Variants in PPP4R4 observed in about 807,000 individuals in gnomAD.
PPP4R4 encodes protein phosphatase 4 regulatory subunit 4.
Under a neutral mutation model 121.8 loss-of-function variants are expected in PPP4R4, and 70 were observed. The ratio of observed to expected loss-of-function variants is 0.57; its 90% CI spans 0.47 to 0.70. The LOEUF (loss-of-function observed/expected upper bound fraction) is 0.70, where lower values mean the gene tolerates loss of function less well. PPP4R4 is among the 30% of genes least tolerant of loss of function. The pLI is 0.00. For synonymous variants in PPP4R4, 348 were observed against 355.7 expected (o/e 0.98, Z 0.24); for missense variants, 875 against 1,033.6 (o/e 0.85, Z 2.10).
chr14:94,204,182 T>C (rs138024848), intron 2 of PPP4R4, among the ~76,000 whole-genome samples: 40 of 152,320 alleles, frequency 2.6e-4, no homozygotes, highest in African/African-American at 8.9e-4. Context: ...TTGATCTTAG[T>C]GAAAAGGTTG....
At chr14:94,259,110 AC>A (rs1438127751) in intron 18 of PPP4R4, among the ~76,000 whole-genome samples, 184 bp from the exon 19 acceptor site, 1 of 151,900 alleles carries the variant, frequency 6.6e-6, no homozygotes, top group Admixed American at 6.6e-5. Context: ...GGAAAGACCC[AC>A]CCCCATAATT....
intron 3 of PPP4R4, among the ~76,000 whole-genome samples, chr14:94,212,720 G>C (rs1032873466): frequency 6.6e-6 from 1 of 151,896 alleles, no homozygotes; most frequent in African/African-American, 2.4e-5. Context: ...ATGTTTGTTA[G>C]ACTTCAATAT....
At chr14:94,202,391 A>G (rs1261090906) in intron 2 of PPP4R4, among the ~76,000 whole-genome samples, 1 of 152,252 alleles carries the variant, frequency 6.6e-6, no homozygotes, top group South Asian at 2.1e-4. Flanking sequence ...ATTCAAAGAT[A>G]TAAATAAACA....
chr14:94,205,751 A>G (rs113435476), intron 2 of PPP4R4, among the ~76,000 whole-genome samples: 1,860 of 151,912 alleles, frequency 0.012, 48 homozygotes, highest in African/African-American at 0.042. Context: ...TTCATGGGAA[A>G]ATACAGAAGT....
chr14:94,267,429 T>C (rs1041421950), intron 23 of PPP4R4, among the ~76,000 whole-genome samples: 1 of 152,112 alleles, frequency 6.6e-6, no homozygotes, highest in Non-Finnish European at 1.5e-5. Context: ...GTGGCAGGGG[T>C]CAGCACATTT....
intron 3 of PPP4R4, among the ~76,000 whole-genome samples, chr14:94,218,583 GCACA>G (rs1166962692): frequency 1.9e-5 from 2 of 107,060 alleles, no homozygotes; most frequent in Non-Finnish European, 1.9e-5. Context: ...CACTGCACGC[GCACA>G]CACACACACC....
intron 3 of PPP4R4, among the ~76,000 whole-genome samples, chr14:94,209,498 C>T (rs560169034): frequency 1.3e-5 from 2 of 152,170 alleles, no homozygotes; most frequent in East Asian, 1.9e-4. Context: ...ATGAGATGCC[C>T]ACCTATGCAG....
intron 14 of PPP4R4, among the ~76,000 whole-genome samples, chr14:94,248,830 A>G (rs1226075827): frequency 6.6e-6 from 1 of 152,180 alleles, no homozygotes; most frequent in East Asian, 1.9e-4. Context: ...GACAGGATGA[A>G]TTCTTAATTT....
chr14:94,267,509 AG>A (rs2139649783), intron 23 of PPP4R4, among the ~76,000 whole-genome samples: 1 of 152,314 alleles, frequency 6.6e-6, no homozygotes, highest in South Asian at 2.1e-4. Flanking sequence ...ACTGAGTAAA[AG>A]CAGCTATAGA....
intron 2 of PPP4R4, among the ~76,000 whole-genome samples, chr14:94,184,684 G>T (rs1232949395): frequency 2.0e-5 from 3 of 152,124 alleles, no homozygotes; most frequent in Non-Finnish European, 4.4e-5. Flanking sequence ...TGACTATGTT[G>T]GCTATCAAAT....
chr14:94,202,932 G>A lies in PPP4R4; in HGVS notation c.192-5532G>A, dbSNP rs528783549. 9.9e-4 allele frequency among the ~76,000 whole-genome samples: 149 copies of A among 150,672 alleles called. 1 individual carries two copies. The highest frequency in any genetic ancestry group is 5.2e-3 in the South Asian group (25 of 4,790). ...AGGGAGTCAGAGGTTGCAGTGAGCCGAGATTGCACCACTGCACTCCAGCCT... is the reference window on the plus strand; with the variant it reads ...AGGGAGTCAGAGGTTGCAGTGAGCCAAGATTGCACCACTGCACTCCAGCCT... On this transcript the variant is annotated intron_variant, in intron 2 of 24. Coordinates refer to ENST00000304338, the MANE Select transcript of PPP4R4 (RefSeq NM_058237.2).
intron 2 of PPP4R4, among the ~76,000 whole-genome samples, chr14:94,204,209 A>G (rs149517419): frequency 1.7e-3 from 264 of 152,096 alleles, no homozygotes; most frequent in African/African-American, 6.1e-3. Flanking sequence ...GATTAGTTTT[A>G]TGTTTTAAGT....
Position 94,237,553 on chromosome 14 carries a change from C to A in PPP4R4, c.732-12C>A, listed in dbSNP as rs373538170. The A allele has an allele frequency of 1.9e-6, 3 of 1,604,008 alleles. No individual in the cohort carries two copies. In the African/African-American group the frequency reaches 4.0e-5, roughly 22 times the overall value. On this transcript the variant is annotated splice_polypyrimidine_tract_variant and intron_variant, in intron 7 of 24. Transcript: ENST00000304338. ...TGATTTGATTTATTTTCTTCTATTG[C>A]TTATTGTGCAGGACAGAACTTACAA... is the stretch of plus-strand genomic sequence containing the variant.
chr14:94,264,870 A>G lies in PPP4R4; in HGVS notation c.2128-8A>G, dbSNP rs777924257. ...TACCTTTAATGCAAGATACTGTCTTAATAACAGGAACAATTAGAGAAAGAA... is the reference window on the plus strand; with the variant it reads ...TACCTTTAATGCAAGATACTGTCTTGATAACAGGAACAATTAGAGAAAGAA... On this transcript the variant is annotated splice_polypyrimidine_tract_variant and splice_region_variant and intron_variant, in intron 19 of 24. Coordinates refer to ENST00000304338, the MANE Select transcript of PPP4R4 (RefSeq NM_058237.2). The G allele has an allele frequency of 6.3e-7, 1 of 1,590,648 alleles. No individual in the cohort carries two copies. The highest frequency in any genetic ancestry group is 8.6e-7 in the Non-Finnish European group (1 of 1,166,336).
chr14:94,269,678 AAAAC>A (rs1165288135), intron 23 of PPP4R4, among the ~76,000 whole-genome samples: 444 of 152,120 alleles, frequency 2.9e-3, no homozygotes, highest in Middle Eastern at 0.01. Context: ...AACAAAAACA[AAAAC>A]AAACAAACAA....
In PPP4R4 at chr14:94,227,450, G is replaced by A. The variant is rs1007755011; in HGVS notation, c.295-3137G>A. ...AGAAAATCAGTTGATTTTTAGCAGT[G>A]ATGAAATCTCTTAGTCTGTGCTGGT... On this transcript the variant is annotated intron_variant, in intron 3 of 24. Coordinates refer to ENST00000304338, the MANE Select transcript of PPP4R4 (RefSeq NM_058237.2). 4 of 1,532,584 alleles carry A rather than the reference G, an allele frequency of 2.6e-6. No homozygotes were observed. The African/African-American group carries it at 4.1e-5, about 16-fold the overall frequency. 94.9% of individuals were successfully genotyped at this position (1,532,584 alleles called of 1,614,324 possible).
At chr14:94,256,959 T>C (rs556363891) in intron 17 of PPP4R4, among the ~76,000 whole-genome samples, 3 of 152,148 alleles carry the variant, frequency 2.0e-5, no homozygotes, top group Non-Finnish European at 4.4e-5. Context: ...ATTGGCAAAG[T>C]CACATTTTAT....
chr14:94,181,384 T>G (rs1279962077), intron 2 of PPP4R4, among the ~76,000 whole-genome samples: 1 of 152,218 alleles, frequency 6.6e-6, no homozygotes, highest in African/African-American at 2.4e-5. Context: ...GACTTTTGCA[T>G]TCTTCACAAT....
At chr14:94,226,170 G>A (rs1445358519) in intron 3 of PPP4R4, among the ~76,000 whole-genome samples, 2 of 152,122 alleles carry the variant, frequency 1.3e-5, no homozygotes, top group Non-Finnish European at 2.9e-5. Context: ...GCAGCTGGAA[G>A]GCTCAGTTGC....
Sources: gnomAD v4.1 joint callset for allele counts (sites outside exome capture counted in the v4.1 genomes callset) on GRCh38, gnomAD v4.1.1 for gene constraint, MANE v1.5 for transcripts, NCBI Gene and HGNC (gene_info 2026-07-23, HGNC 2026-07-21) for gene names.